Variants in GREB1L observed in about 807,000 individuals in gnomAD.
GREB1L encodes the protein GREB1-like protein.
In GREB1L, 17 loss-of-function variants were observed where a neutral mutation model predicts 200.8. That is an observed-to-expected ratio of 0.08 (90% confidence interval 0.06 to 0.13). GREB1L has a LOEUF of 0.13. Among genes scored for constraint, GREB1L ranks in the 10% least tolerant of loss-of-function variants. GREB1L has a pLI of 1.00. For synonymous variants in GREB1L, 789 were observed against 893.0 expected (o/e 0.88, Z 2.08); for missense variants, 1,657 against 2,367.7 (o/e 0.70, Z 6.23).
chr18:21,252,300 G>A (rs535110671), intron 1 of GREB1L, among the ~76,000 whole-genome samples: 1 of 152,248 alleles, frequency 6.6e-6, no homozygotes, highest in East Asian at 1.9e-4. Context: ...GCTTATGCCT[G>A]TAATCCCAGC....
At chr18:21,345,035 G>A (rs1449102361) in intron 1 of GREB1L, among the ~76,000 whole-genome samples, 1 of 152,058 alleles carries the variant, frequency 6.6e-6, no homozygotes, top group Non-Finnish European at 1.5e-5. Flanking sequence ...CCCTTTCTCA[G>A]CAGGCTGCTC....
chr18:21,478,483 A>G (rs78562091), intron 17 of GREB1L, among the ~76,000 whole-genome samples: 2,905 of 152,358 alleles, frequency 0.019, 45 homozygotes, highest in Non-Finnish European at 0.032. Context: ...AATGTCTTAC[A>G]TAAAACTAAC....
At chr18:21,259,260 A>T (rs1447495042) in intron 1 of GREB1L, among the ~76,000 whole-genome samples, 1 of 152,222 alleles carries the variant, frequency 6.6e-6, no homozygotes, top group Non-Finnish European at 1.5e-5. Flanking sequence ...TTTGGGTAAA[A>T]GGAATGATTT....
At chr18:21,258,133 A>AC (rs35451552) in intron 1 of GREB1L, among the ~76,000 whole-genome samples, 1 of 152,186 alleles carries the variant, frequency 6.6e-6, no homozygotes, top group Non-Finnish European at 1.5e-5. Context: ...GTGTTATATT[A>AC]CCCAGAAAGG....
In GREB1L at chr18:21,508,464, C is replaced by T. The variant is rs1474876100; in HGVS notation, c.4608C>T (p.His1536=). 17 of 1,551,564 alleles carry T rather than the reference C, an allele frequency of 1.1e-5. No individual in the cohort carries two copies. Among genetic ancestry groups the T allele is most frequent in the South Asian group, 2.4e-5 (2 of 84,066 alleles). The part of the protein sequence containing the change: ...RHEHGLLNLF[H]AMEGISHLHL... ...AGCACGGACTCCTAAACCTTTTCCA[C>T]GCCATGGAGGGCATCAGCCACCTTC... The change falls in exon 27 of 33, where the codon CAC becomes CAT. Residue 1536 remains histidine, a synonymous_variant. Coordinates refer to ENST00000424526, the MANE Select transcript of GREB1L (RefSeq NM_001142966.3).
At chr18:21,433,332 T>C (rs1197295968) in intron 7 of GREB1L, among the ~76,000 whole-genome samples, 2 of 152,230 alleles carry the variant, frequency 1.3e-5, no homozygotes, top group African/African-American at 4.8e-5. Context: ...GAATTCATTG[T>C]TTTAAAAATA....
chr18:21,267,241 G>T (rs1436141900), intron 1 of GREB1L, among the ~76,000 whole-genome samples: 5 of 149,022 alleles, frequency 3.4e-5, no homozygotes, highest in Non-Finnish European at 3.0e-5. Flanking sequence ...GACTGCAGTG[G>T]CATGATCTTG....
intron 1 of GREB1L, among the ~76,000 whole-genome samples, chr18:21,336,887 C>T (rs1472220132): frequency 3.9e-5 from 6 of 152,170 alleles, no homozygotes; most frequent in African/African-American, 1.4e-4. Flanking sequence ...CTTTTTGCTT[C>T]TGGACCACTT....
At chr18:21,353,621 A>C (rs138148695) in intron 1 of GREB1L, among the ~76,000 whole-genome samples, 1 of 152,244 alleles carries the variant, frequency 6.6e-6, no homozygotes, top group South Asian at 2.1e-4. Flanking sequence ...TCACTATAAC[A>C]TAATAAATGC....
chr18:21,505,510 C>T lies in GREB1L; in HGVS notation c.4171C>T (p.Pro1391Ser). 6.4e-7 allele frequency: 1 copy of T among 1,551,610 alleles called. No individual in the cohort carries two copies. Among genetic ancestry groups the T allele is most frequent in the Non-Finnish European group, 8.7e-7 (1 of 1,146,940 alleles). ...GCCTTTTGATGTCAGTGTGCATGAC[C>T]CCAAGTACAGTTTGATGAGCCTGGT... is the stretch of plus-strand genomic sequence containing the variant. ...KMPFDVSVHD[P>S]KYSLMSLVYT... The change falls in exon 24 of 33, where the codon CCC becomes TCC. Residue 1391 changes from proline (P) to serine (S), a missense_variant. Coordinates refer to ENST00000424526, the MANE Select transcript of GREB1L (RefSeq NM_001142966.3).
intron 18 of GREB1L, among the ~76,000 whole-genome samples, chr18:21,486,656 C>T (rs1185829445): frequency 1.3e-5 from 2 of 151,990 alleles, no homozygotes; most frequent in African/African-American, 4.8e-5. Flanking sequence ...AAAAAAAATC[C>T]CCATTTTCAG....
At chr18:21,481,006 TA>T (rs1427692923) in intron 17 of GREB1L, among the ~76,000 whole-genome samples, 2 of 150,070 alleles carry the variant, frequency 1.3e-5, no homozygotes, top group Non-Finnish European at 3.0e-5. Flanking sequence ...GGTGACAGAT[TA>T]AAAAAAAAGA....
At position 21,522,910 on chromosome 18, in the gene GREB1L, A is replaced by G; in HGVS notation, c.*89A>G. ...ATTTTTCTTTTTCCTTTAAAGTACA[A>G]TCACTGTGGAGCAAAGTGCAACATA... is the stretch of plus-strand genomic sequence containing the variant. On this transcript the variant is annotated 3_prime_UTR_variant, in exon 33 of 33. Transcript: ENST00000424526. The G allele has an allele frequency of 1.7e-6, 2 of 1,202,520 alleles. No individual in the cohort carries two copies. The highest frequency in any genetic ancestry group is 1.6e-5 in the South Asian group (1 of 61,188). The allele number at this position is 1,202,520 out of a possible 1,614,324, so 74.5% of individuals were successfully genotyped here. A position where few individuals can be genotyped will look rare whatever the true frequency, so the allele number is the denominator to read the frequency against.
chr18:21,398,061 A>G (rs1199266381), intron 5 of GREB1L, among the ~76,000 whole-genome samples: 2 of 152,170 alleles, frequency 1.3e-5, no homozygotes, highest in East Asian at 3.8e-4. Context: ...CTCATAATGC[A>G]TTTTTTGTTC....
intron 1 of GREB1L, among the ~76,000 whole-genome samples, chr18:21,289,966 C>T (rs2038420973): frequency 6.6e-6 from 1 of 152,190 alleles, no homozygotes; most frequent in Non-Finnish European, 1.5e-5. Flanking sequence ...TATTCAGAAT[C>T]AGCAGCTCAC....
intron 1 of GREB1L, among the ~76,000 whole-genome samples, chr18:21,290,204 A>C (rs1007131840): frequency 9.2e-5 from 14 of 152,212 alleles, no homozygotes; most frequent in African/African-American, 3.4e-4. Context: ...GATCATTTTA[A>C]TCGCCCTCTA....
At chr18:21,514,061 C>G in intron 28 of GREB1L, 75 bp downstream of exon 28, 1 of 1,355,486 alleles carries the variant, frequency 7.4e-7, no homozygotes, top group East Asian at 2.6e-5. Context: ...CAGTTACATA[C>G]GGAAGTAAGA....
At position 21,496,062 on chromosome 18, in the gene GREB1L, C is replaced by T. The variant is rs1371737616; in HGVS notation, c.3146+277C>T. 2.0e-5 allele frequency among the ~76,000 whole-genome samples: 3 copies of T among 152,024 alleles called. No homozygotes were observed. The East Asian group carries it at 5.8e-4, about 29-fold the overall frequency. On this transcript the variant is annotated intron_variant, in intron 20 of 32. Transcript: ENST00000424526. ...AAGCAGGATTTTTTTTTATAAAGTG[C>T]TTTGTCTTTGTTAATCTGCTATTCC...
In GREB1L at chr18:21,508,336, A is replaced by G. The variant is rs1314820479; in HGVS notation, c.4531-51A>G. The G allele has an allele frequency of 2.6e-6, 4 of 1,549,720 alleles. No homozygotes were observed. In the African/African-American group the frequency reaches 5.5e-5, roughly 21 times the overall value. On this transcript the variant is annotated intron_variant, in intron 26 of 32. Coordinates refer to ENST00000424526, the MANE Select transcript of GREB1L (RefSeq NM_001142966.3). ...AGACCTAGTTCTTTAAGCGTCTTCA[A>G]TCTAGAGGCTTTAATTTCCCTTTAT...
Sources: gnomAD v4.1 joint callset for allele counts (sites outside exome capture counted in the v4.1 genomes callset) on GRCh38, gnomAD v4.1.1 for gene constraint, MANE v1.5 for transcripts, NCBI Gene and HGNC (gene_info 2026-07-23, HGNC 2026-07-21) for gene names.